Variants in SYNE1 observed in about 807,000 individuals in gnomAD.
SYNE1 encodes nesprin-1.
A neutral mutation model predicts 1,111.0 loss-of-function variants in SYNE1; 616 were observed. That is an observed-to-expected ratio of 0.55 (90% confidence interval 0.52 to 0.59). SYNE1 has a LOEUF of 0.59. SYNE1 is among the 20% of genes least tolerant of loss of function. The pLI is 0.00. For synonymous variants in SYNE1, 3,855 were observed against 3,825.8 expected (o/e 1.01, Z -0.28); for missense variants, 10,006 against 10,417.0 (o/e 0.96, Z 1.72).
At chr6:152,513,408 C>T (rs993015047) in intron 6 of SYNE1, among the ~76,000 whole-genome samples, 2 of 152,078 alleles carry the variant, frequency 1.3e-5, no homozygotes, top group Non-Finnish European at 2.9e-5. Flanking sequence ...TGCAGTGGCA[C>T]GATCTTGGCT....
At position 152,318,110 on chromosome 6, in the gene SYNE1, C is replaced by T. The variant is rs886042274; in HGVS notation, c.16543G>A (p.Ala5515Thr). 1 of 1,614,208 alleles carries T rather than the reference C, an allele frequency of 6.2e-7. No homozygotes were observed. The highest frequency in any genetic ancestry group is 8.5e-7 in the Non-Finnish European group (1 of 1,180,040). Reference sequence around the variant, plus strand: ...TTGAGCTTGGAGAGCCGATTCTCAGCTTGTCTAATGGTCTGCTGGTGAAGT... The same window carrying T: ...TTGAGCTTGGAGAGCCGATTCTCAGTTTGTCTAATGGTCTGCTGGTGAAGT... ...TELHQQTIRQ[A>T]ENRLSKLNQA... Residue 5515 changes from alanine to threonine, a missense_variant, in exon 86 of 146, where the codon GCT (alanine) becomes ACT (threonine). Ala to Thr is a moderately conservative substitution (Grantham distance 58). Coordinates refer to ENST00000367255, the MANE Select transcript of SYNE1 (RefSeq NM_182961.4).
At position 152,254,244 on chromosome 6, in the gene SYNE1, C is replaced by CTTTTTTTTTT. The variant is rs773598537; in HGVS notation, c.19470+626_19470+635dup. On this transcript the variant is annotated intron_variant, in intron 104 of 145. Coordinates refer to ENST00000367255, the MANE Select transcript of SYNE1 (RefSeq NM_182961.4). ...TATATTCCAACACTTTCTGCATACTCTTTTTTTTTTTTTTTTTTTTTTTTT... is the reference window on the plus strand; with the variant it reads ...TATATTCCAACACTTTCTGCATACTCTTTTTTTTTTTTTTTTTTTTTTTTTTTTTTTTTTT... 1.4e-4 allele frequency among the ~76,000 whole-genome samples: 10 copies of CTTTTTTTTTT among 73,144 alleles called. 1 individual carries two copies. The highest frequency in any genetic ancestry group is 2.3e-4 in the African/African-American group (4 of 17,278). The allele number at this position is 73,144 out of a possible 152,430, so 48.0% of individuals were successfully genotyped here. A position where few individuals can be genotyped will look rare whatever the true frequency, so the allele number is the denominator to read the frequency against.
rs761735368 is a variant in SYNE1, at chr6:152,461,637, A to T, written c.2354T>A (p.Met785Lys). 1 of 1,613,852 alleles carries T rather than the reference A, an allele frequency of 6.2e-7. No homozygotes were observed. Among genetic ancestry groups the T allele is most frequent in the Admixed American group, 1.7e-5 (1 of 59,990 alleles). The change falls in exon 21 of 146, where the codon ATG (methionine) becomes AAG (lysine). Residue 785 changes from methionine (M) to lysine (K), a missense_variant. Coordinates refer to ENST00000367255, the MANE Select transcript of SYNE1 (RefSeq NM_182961.4). ...KESPQEEGKE[M>K]FATMSKLKEQ... ...TTTGAGCTTTGACATGGTCGCAAAC[A>T]TTTCTTTTCCTTCTTCTTGGGGGCT...
At chr6:152,615,643 C>T (rs2099643902) in intron 3 of SYNE1, among the ~76,000 whole-genome samples, 1 of 152,132 alleles carries the variant, frequency 6.6e-6, no homozygotes, top group Non-Finnish European at 1.5e-5. Flanking sequence ...ACATGCATTT[C>T]CAGTCTGATT....
In SYNE1 at chr6:152,326,377, A is replaced by G. The variant is rs201798921; in HGVS notation, c.15212T>C (p.Leu5071Pro). ...TTCCAGAGAAGCCACTTTCTGTTCTAGGTCTTCTTTGCCGGTTGGCTTGAT... is the reference window on the plus strand; with the variant it reads ...TTCCAGAGAAGCCACTTTCTGTTCTGGGTCTTCTTTGCCGGTTGGCTTGAT... ...PLIKPTGKED[L>P]EQKVASLELR... The change falls in exon 79 of 146, where the codon CTA (leucine) becomes CCA (proline). Residue 5071 changes from leucine (L) to proline (P), a missense_variant. Leu to Pro is a moderately conservative substitution (Grantham distance 98). Around this residue, in one of 7 missense-constraint regions of SYNE1, gnomAD observed 4,955 missense variants for 5,017.2 expected, o/e 0.99. Coordinates refer to ENST00000367255, the MANE Select transcript of SYNE1 (RefSeq NM_182961.4). The G allele has an allele frequency of 1.2e-6, 2 of 1,614,124 alleles. No homozygotes were observed. Among genetic ancestry groups the G allele is most frequent in the East Asian group, 4.5e-5 (2 of 44,882 alleles).
In SYNE1 at chr6:152,148,191, C is replaced by G. The variant is rs1431215602; in HGVS notation, c.24830G>C (p.Ser8277Thr). Residue 8277 changes from serine (S) to threonine (T), a missense_variant, in exon 137 of 146, where the codon AGT becomes ACT. Ser to Thr is a moderately conservative substitution (Grantham distance 58). Around this residue, in one of 7 missense-constraint regions of SYNE1, gnomAD observed 761 missense variants for 795.5 expected, o/e 0.96. Transcript: ENST00000367255. The surrounding 1 kb of genome is among the most constrained non-coding windows in gnomAD (Gnocchi z 4.1). ...CCACTCCAGGGGGATGGAGTCCACA[C>G]TAGCCGGGGTGTCTCGTCCTGACCG... ...SERSGRDTPASVDSIPLEWDH... is the reference protein window; with the variant it reads ...SERSGRDTPATVDSIPLEWDH... The G allele has an allele frequency of 6.2e-7, 1 of 1,614,218 alleles. No individual in the cohort carries two copies. The highest frequency in any genetic ancestry group is 8.5e-7 in the Non-Finnish European group (1 of 1,180,042).
In SYNE1 at chr6:152,391,466, G is replaced by A; in HGVS notation, c.7815C>T (p.His2605=). Residue 2605 remains histidine (H), a synonymous_variant, in exon 52 of 146, where the codon CAC becomes CAT. Coordinates refer to ENST00000367255, the MANE Select transcript of SYNE1 (RefSeq NM_182961.4). ...GRLCSQLLTS[H]QNLLRMTKEK... ...CTTTGGTCATTCTAAGTAGGTTCTGGTGGCTTGTGAGGAGCTGGGAACACA... is the reference window on the plus strand; with the variant it reads ...CTTTGGTCATTCTAAGTAGGTTCTGATGGCTTGTGAGGAGCTGGGAACACA... 6 of 1,613,426 alleles carry A rather than the reference G, an allele frequency of 3.7e-6. No homozygotes were observed. The highest frequency in any genetic ancestry group is 1.3e-5 in the African/African-American group (1 of 74,792).
intron 87 of SYNE1, among the ~76,000 whole-genome samples, chr6:152,312,658 T>C (rs1378879190): frequency 6.7e-6 from 1 of 148,866 alleles, no homozygotes; most frequent in Non-Finnish European, 1.5e-5. Flanking sequence ...ATATATTTAC[T>C]ATATAAATAT....
rs75153800 is a variant in SYNE1, at chr6:152,483,105, G to T, written c.1330C>A (p.Arg444=). The change falls in exon 14 of 146, where the codon CGG becomes AGG. Residue 444 remains arginine, a synonymous_variant. Transcript: ENST00000367255. ...TTTACCTTATGTTGCTCAAGTTTCC[G>T]TTGTATCGTGTTTGCTGTTTCCTCG... ...VHEETANTIQ[R]KLEQHKDLLQ... 1.9e-6 allele frequency: 3 copies of T among 1,614,164 alleles called. No homozygotes were observed. In the South Asian group the frequency reaches 3.3e-5, roughly 18 times the overall value.
chr6:152,172,894 G>C (rs1375377264), intron 130 of SYNE1, among the ~76,000 whole-genome samples: 1 of 152,166 alleles, frequency 6.6e-6, no homozygotes, highest in African/African-American at 2.4e-5. Context: ...TGGGGTTATT[G>C]ACCACTTAAA....
intron 95 of SYNE1, among the ~76,000 whole-genome samples, chr6:152,293,259 C>T (rs958460692): frequency 1.3e-5 from 2 of 152,142 alleles, no homozygotes; most frequent in African/African-American, 2.4e-5. Context: ...TGGCTCACAA[C>T]AAAATCAAAA....
intron 3 of SYNE1, among the ~76,000 whole-genome samples, chr6:152,571,431 A>T (rs2099456555): frequency 6.6e-6 from 1 of 152,352 alleles, no homozygotes; most frequent in African/African-American, 2.4e-5. Flanking sequence ...GAAGGAATGG[A>T]GAATACATGT....
At chr6:152,372,657 C>T (rs1219081827) in intron 59 of SYNE1, among the ~76,000 whole-genome samples, 2 of 152,198 alleles carry the variant, frequency 1.3e-5, no homozygotes, top group Non-Finnish European at 2.9e-5. Flanking sequence ...TTATAATATA[C>T]ACTCTCATCT....
At chr6:152,535,763 T>A (rs2154363005) in intron 4 of SYNE1, among the ~76,000 whole-genome samples, 1 of 152,094 alleles carries the variant, frequency 6.6e-6, no homozygotes, top group South Asian at 2.1e-4. Flanking sequence ...TTACAAAGGG[T>A]TTTTAAAGAT....
chr6:152,348,618 G>A (rs530409657), intron 72 of SYNE1, among the ~76,000 whole-genome samples: 2 of 152,190 alleles, frequency 1.3e-5, no homozygotes, highest in South Asian at 4.1e-4. Context: ...CCAGGAGGCA[G>A]AGGTTACAGT....
intron 3 of SYNE1, among the ~76,000 whole-genome samples, chr6:152,558,421 T>A (rs138645031): frequency 3.3e-5 from 5 of 152,138 alleles, no homozygotes; most frequent in African/African-American, 7.2e-5. Flanking sequence ...AAGTATAAGA[T>A]CAAACTATAT....
At chr6:152,282,760 G>A (rs917070208) in intron 96 of SYNE1, among the ~76,000 whole-genome samples, 6 of 151,822 alleles carry the variant, frequency 4.0e-5, no homozygotes, top group Non-Finnish European at 8.8e-5. Flanking sequence ...CAGACACATC[G>A]GCTTTAAATT....
At position 152,515,291 on chromosome 6, in the gene SYNE1, C is replaced by A. The variant is rs151304788; in HGVS notation, c.310-4188G>T. On this transcript the variant is annotated intron_variant, in intron 6 of 145. Coordinates refer to ENST00000367255, the MANE Select transcript of SYNE1 (RefSeq NM_182961.4). ...TTATTTGGAAATAAATTTCAAAAAA[C>A]TCTCAGTAAACATCCATGTTACTAG... 5.2e-3 allele frequency among the ~76,000 whole-genome samples: 792 copies of A among 151,116 alleles called. 7 individuals are homozygous for A. The highest frequency in any genetic ancestry group is 0.018 in the African/African-American group (739 of 41,256).
intron 39 of SYNE1, among the ~76,000 whole-genome samples, chr6:152,420,697 T>A (rs1020469352): frequency 5.9e-5 from 9 of 152,206 alleles, no homozygotes; most frequent in Non-Finnish European, 1.2e-4. Flanking sequence ...AGAACAAGAT[T>A]TAATTACATA....
Sources: gnomAD v4.1 joint callset for allele counts (sites outside exome capture counted in the v4.1 genomes callset) on GRCh38, gnomAD v4.1.1 for gene constraint, gnomAD v4.1.1 regional missense constraint, Gnocchi (gnomAD v3.1) non-coding constraint, MANE v1.5 for transcripts, NCBI Gene and HGNC (gene_info 2026-07-23, HGNC 2026-07-21) for gene names.